HNMT: variants seen among roughly 807,000 people sequenced by gnomAD.
HNMT encodes histamine N-methyltransferase.
HNMT carries 30 observed loss-of-function variants against 32.1 expected under a neutral mutation model. The observed-to-expected ratio is 0.93, with a 90% CI of 0.70 to 1.27. HNMT has a LOEUF of 1.27. Ranked by LOEUF, HNMT falls within the 50% of genes most tolerant of loss-of-function variation. HNMT has a pLI of 0.00. For missense variants in HNMT, 327 were observed against 346.0 expected, an observed-to-expected ratio of 0.95 and a Z score of 0.43; for synonymous variants, 125 against 119.0, an observed-to-expected ratio of 1.05 and a Z score of -0.33.
intron 2 of HNMT, among the ~76,000 whole-genome samples, chr2:137,980,037 G>GT (rs1275439077): frequency 0.04 from 5,592 of 139,706 alleles, 343 homozygotes; most frequent in African/African-American, 0.13. Flanking sequence ...CCTGTAACAG[G>GT]TTTTTTTTTT....
At chr2:137,966,708 A>C (rs181278834) in intron 1 of HNMT, among the ~76,000 whole-genome samples, 1 of 152,160 alleles carries the variant, frequency 6.6e-6, no homozygotes, top group Admixed American at 6.5e-5. Flanking sequence ...AATATATGCA[A>C]ACATATCAAG....
chr2:137,967,405 C>A, intron 1 of HNMT: 2 of 344,302 alleles, frequency 5.8e-6, no homozygotes. Flanking sequence ...CTGTCTCAAA[C>A]AAGAGAAAAA....
intron 2 of HNMT, chr2:137,981,359 A>G (rs1351554147): frequency 6.2e-7 from 1 of 1,612,734 alleles, no homozygotes; most frequent in Admixed American, 1.7e-5. Flanking sequence ...CCGTTTAGAA[A>G]GCAAATCTGC....
chr2:137,979,547 C>T (rs1043930852), intron 2 of HNMT, among the ~76,000 whole-genome samples: 8 of 151,762 alleles, frequency 5.3e-5, no homozygotes, highest in Non-Finnish European at 1.0e-4. Flanking sequence ...CCACCACGCC[C>T]GGCCATACTT....
chr2:138,005,153 A>G lies in HNMT; in HGVS notation c.451A>G (p.Ile151Val), dbSNP rs780467623. The G allele has an allele frequency of 6.3e-7, 1 of 1,593,142 alleles. No homozygotes were observed. Among genetic ancestry groups the G allele is most frequent in the Non-Finnish European group, 8.6e-7 (1 of 1,161,474 alleles). The change falls in exon 5 of 6, where the codon ATC (isoleucine) becomes GTC (valine). Residue 151 changes from isoleucine (I) to valine (V), a missense_variant. Ile to Val is a conservative substitution (Grantham distance 29). Transcript: ENST00000280097. ...CTAGATGCTGTATTATGTAAAAGAC[A>G]TCCCAGCTACCCTGAAATTCTTCCA... ...MIQMLYYVKD[I>V]PATLKFFHSL...
At chr2:137,981,726 A>T (rs780172232) in intron 2 of HNMT, 15 of 231,538 alleles carry the variant, frequency 6.5e-5, no homozygotes, top group Non-Finnish European at 1.0e-4. Context: ...ACCCTATAAC[A>T]TAAACCATGT....
intron 5 of HNMT, among the ~76,000 whole-genome samples, chr2:138,006,415 T>A (rs996888558): frequency 1.3e-5 from 2 of 152,076 alleles, no homozygotes; most frequent in African/African-American, 4.8e-5. Flanking sequence ...AGAATATATT[T>A]CATCTCAATA....
chr2:137,983,016 G>A (rs533755953), intron 2 of HNMT, among the ~76,000 whole-genome samples: 66 of 152,208 alleles, frequency 4.3e-4, no homozygotes, highest in African/African-American at 1.5e-3. Flanking sequence ...CGGTGGAGCC[G>A]ATCTCCAAGC....
In HNMT at chr2:138,014,248, T is replaced by C; in HGVS notation, c.*118T>C. 1.5e-6 allele frequency: 1 copy of C among 680,894 alleles called. No individual in the cohort carries two copies. The highest frequency in any genetic ancestry group is 2.7e-5 in the East Asian group (1 of 36,740). 42.2% of individuals were successfully genotyped at this position (680,894 alleles called of 1,614,324 possible). A position where few individuals can be genotyped will look rare whatever the true frequency, so the allele number is the denominator to read the frequency against. On this transcript the variant is annotated 3_prime_UTR_variant, in exon 6 of 6. Transcript: ENST00000280097. The stretch of plus-strand genomic sequence containing the variant: ...ATGTAGATAAAGCACTGTTTGGATA[T>C]GAGATGTAGCAAATTCCAATACATT...
intron 3 of HNMT, 40 bp from the exon 4 acceptor site, chr2:138,002,024 A>G (rs749472175): frequency 5.5e-6 from 8 of 1,443,272 alleles, no homozygotes; most frequent in Non-Finnish European, 6.4e-6. Context: ...CACATTTGCA[A>G]TTAAAATTGA....
rs1395193230 is a variant in HNMT at position 137,984,372 on chromosome 2, C to T, written c.190+14155C>T. ...CTCTATCTGAATATCCCTGACATCA[C>T]TTAGCATTCTTTAGCTTTCTGATGT... On this transcript the variant is annotated intron_variant, in intron 2 of 5. Transcript: ENST00000280097. Among the ~76,000 whole-genome samples the T allele has an allele frequency of 2.0e-5, 3 of 152,338 alleles. No homozygotes were observed. In the East Asian group the frequency reaches 5.8e-4, roughly 29 times the overall value.
In HNMT at chr2:138,014,283, C is replaced by G. The variant is rs1348901054; in HGVS notation, c.*153C>G. 2 of 594,428 alleles carry G rather than the reference C, an allele frequency of 3.4e-6. No homozygotes were observed. Among genetic ancestry groups the G allele is most frequent in the Non-Finnish European group, 5.9e-6 (2 of 340,966 alleles). The allele number at this position is 594,428 out of a possible 1,614,324, so 36.8% of individuals were successfully genotyped here. A position where few individuals can be genotyped will look rare whatever the true frequency, so the allele number is the denominator to read the frequency against. ...CAAATTCCAATACATTATTGGACTT[C>G]CATTTGGAATCATATGGGATACTGC... On this transcript the variant is annotated 3_prime_UTR_variant, in exon 6 of 6. Transcript: ENST00000280097.
chr2:137,993,011 G>C (rs1273931237), intron 2 of HNMT, among the ~76,000 whole-genome samples: 3 of 151,942 alleles, frequency 2.0e-5, no homozygotes, highest in Non-Finnish European at 4.4e-5. Flanking sequence ...TCAACAACAA[G>C]AACAACAAAA....
At position 137,964,925 on chromosome 2, in the gene HNMT, G is replaced by A. The variant is rs573219788; in HGVS notation, c.137+297G>A. On this transcript the variant is annotated intron_variant, in intron 1 of 5. Transcript: ENST00000280097. Reference sequence around the variant, plus strand: ...ATGTTCATTTGGGAAAAGATAAGATGCTAATCTTCGAACTCAGATTTTTCA... The same window carrying A: ...ATGTTCATTTGGGAAAAGATAAGATACTAATCTTCGAACTCAGATTTTTCA... Among the ~76,000 whole-genome samples, 8 of 152,236 alleles carry A rather than the reference G, an allele frequency of 5.3e-5. No homozygotes were observed. The East Asian group carries it at 7.7e-4, about 15-fold the overall frequency.
At chr2:137,966,143 T>G (rs1290308256) in intron 1 of HNMT, among the ~76,000 whole-genome samples, 1 of 152,220 alleles carries the variant, frequency 6.6e-6, no homozygotes, top group Admixed American at 6.5e-5. Context: ...ATACTCTTTG[T>G]GTATGTTAGG....
At chr2:137,997,948 C>T (rs1681045953) in intron 2 of HNMT, among the ~76,000 whole-genome samples, 1 of 151,976 alleles carries the variant, frequency 6.6e-6, no homozygotes, top group Non-Finnish European at 1.5e-5. Context: ...TGTTCTCATT[C>T]ATAAGTGGCA....
chr2:137,979,415 C>T (rs999471594), intron 2 of HNMT, among the ~76,000 whole-genome samples: 1 of 151,934 alleles, frequency 6.6e-6, no homozygotes, highest in African/African-American at 2.4e-5. Flanking sequence ...GGACTACAGG[C>T]GCCCATCACC....
At chr2:138,002,746 C>G (rs915011565) in intron 4 of HNMT, 4 of 942,278 alleles carry the variant, frequency 4.2e-6, no homozygotes, top group Non-Finnish European at 5.1e-6. Flanking sequence ...TGCACCCAGT[C>G]TTTAATTTAT....
intron 1 of HNMT, 41 bp downstream of exon 1, chr2:137,964,669 A>G (rs774483340): frequency 6.8e-6 from 11 of 1,608,422 alleles, no homozygotes; most frequent in Middle Eastern, 1.6e-4. Flanking sequence ...CAAGCCTCAG[A>G]CTGGCTGTGC....
Sources: gnomAD v4.1 joint callset for allele counts (sites outside exome capture counted in the v4.1 genomes callset) on GRCh38, gnomAD v4.1.1 for gene constraint, MANE v1.5 for transcripts, NCBI Gene and HGNC (gene_info 2026-07-23, HGNC 2026-07-21) for gene names.